UTRN: variants seen among roughly 807,000 people sequenced by gnomAD.
UTRN encodes utrophin.
In UTRN, 283 loss-of-function variants were observed where a neutral mutation model predicts 463.9. The ratio of observed to expected loss-of-function variants is 0.61; its 90% CI spans 0.55 to 0.67. The LOEUF (loss-of-function observed/expected upper bound fraction) is 0.67, where lower values mean the gene tolerates loss of function less well. Among genes scored for constraint, UTRN ranks in the 30% least tolerant of loss-of-function variants. UTRN has a pLI of 0.00. For missense variants in UTRN, 3,922 were observed against 4,084.3 expected, an observed-to-expected ratio of 0.96 and a Z score of 1.08; for synonymous variants, 1,442 against 1,431.5, an observed-to-expected ratio of 1.01 and a Z score of -0.17.
chr6:144,550,915 C>A lies in UTRN; in HGVS notation c.6811-50C>A, dbSNP rs1005974. On this transcript the variant is annotated intron_variant, in intron 47 of 74. Transcript: ENST00000367545. ...CAGCACAACTGTTTTGCTTATTATT[C>A]TTCTCATATGGCTTATTAACCTATC... 0.18 allele frequency: 265,046 copies of A among 1,448,044 alleles called. 26,077 individuals carry two copies. Among genetic ancestry groups the A allele is most frequent in the African/African-American group, 0.35 (23,980 of 68,864 alleles). The allele number at this position is 1,448,044 out of a possible 1,614,324, so 89.7% of individuals were successfully genotyped here. A position where few individuals can be genotyped will look rare whatever the true frequency, so the allele number is the denominator to read the frequency against.
chr6:144,581,073 A>G (rs1350466218), intron 51 of UTRN, among the ~76,000 whole-genome samples: 1 of 152,202 alleles, frequency 6.6e-6, no homozygotes, highest in Non-Finnish European at 1.5e-5. Context: ...ATGTGTGGGG[A>G]TGGCAAATTT....
intron 33 of UTRN, among the ~76,000 whole-genome samples, chr6:144,496,440 T>C (rs1334299813): frequency 6.6e-6 from 1 of 152,238 alleles, no homozygotes; most frequent in African/African-American, 2.4e-5. Context: ...TTTGGAATTA[T>C]ACAGCTGGTT....
chr6:144,829,087 A>G (rs774668548), intron 69 of UTRN, among the ~76,000 whole-genome samples: 51 of 152,294 alleles, frequency 3.3e-4, no homozygotes, highest in Non-Finnish European at 6.5e-4. Flanking sequence ...ACATTTGTCA[A>G]CTTATATACC....
At chr6:144,811,951 T>C (rs1308246753) in intron 65 of UTRN, among the ~76,000 whole-genome samples, 1 of 152,138 alleles carries the variant, frequency 6.6e-6, no homozygotes. Flanking sequence ...GCCAAGTGAC[T>C]TTTTTTATAT....
rs376135396 is a variant in UTRN, at chr6:144,473,731, A to G, written c.3078A>G (p.Thr1026=). The G allele has an allele frequency of 1.2e-6, 2 of 1,614,074 alleles. No individual in the cohort carries two copies. Among genetic ancestry groups the G allele is most frequent in the African/African-American group, 2.7e-5 (2 of 75,044 alleles). ...LTLRAFEADS[T]VIEKWMDGVK... Reference sequence around the variant, plus strand: ...TCATGTTCGATTAGGCCGATTCAACAGTCATTGAGAAGTGGATGGATGGCG... The same window carrying G: ...TCATGTTCGATTAGGCCGATTCAACGGTCATTGAGAAGTGGATGGATGGCG... Residue 1026 remains threonine (T), a synonymous_variant, in exon 24 of 75, where the codon ACA becomes ACG. Coordinates refer to ENST00000367545, the MANE Select transcript of UTRN (RefSeq NM_007124.3).
Position 144,285,659 on chromosome 6 carries a change from C to G in UTRN, c.-255C>G, listed in dbSNP as rs1262875096. ...CTTTTTTTAAAATTTCGGTTCGTGT[C>G]TGCTTCTCCAAGCTTTATTTTTTTT... is the stretch of plus-strand genomic sequence containing the variant. On this transcript the variant is annotated 5_prime_UTR_variant, in exon 1 of 75. Transcript: ENST00000367545. 1.3e-5 allele frequency: 2 copies of G among 152,152 alleles called. No homozygotes were observed. The highest frequency in any genetic ancestry group is 2.9e-5 in the Non-Finnish European group (2 of 68,058). The allele number at this position is 152,152 out of a possible 1,614,324, so 9.4% of individuals were successfully genotyped here. A position where few individuals can be genotyped will look rare whatever the true frequency, so the allele number is the denominator to read the frequency against.
chr6:144,353,447 C>T (rs977817865), intron 2 of UTRN, among the ~76,000 whole-genome samples: 1 of 139,842 alleles, frequency 7.2e-6, no homozygotes, highest in African/African-American at 2.6e-5. Flanking sequence ...TAAATAGAAA[C>T]AAGGTCTCAC....
At chr6:144,627,892 C>T (rs767208146) in intron 51 of UTRN, among the ~76,000 whole-genome samples, 3 of 150,480 alleles carry the variant, frequency 2.0e-5, no homozygotes, top group African/African-American at 2.5e-5. Context: ...GTCCGTCTCC[C>T]GGGTTCAAGC....
chr6:144,838,207 A>G (rs1387356458), intron 71 of UTRN, among the ~76,000 whole-genome samples: 5 of 151,820 alleles, frequency 3.3e-5, no homozygotes, highest in Non-Finnish European at 5.9e-5. Flanking sequence ...GCCTTCCCCT[A>G]CTCCCTCCAT....
chr6:144,822,695 A>G (rs969974320), intron 66 of UTRN, among the ~76,000 whole-genome samples: 2 of 152,118 alleles, frequency 1.3e-5, no homozygotes, highest in Non-Finnish European at 2.9e-5. Context: ...AGGTTGTGTG[A>G]TAATAGATTC....
intron 53 of UTRN, among the ~76,000 whole-genome samples, chr6:144,702,672 A>T (rs371405434): frequency 2.0e-5 from 3 of 152,174 alleles, no homozygotes; most frequent in East Asian, 3.9e-4. Flanking sequence ...TTGAACAGAG[A>T]CCTGGAGTGA....
intron 14 of UTRN, among the ~76,000 whole-genome samples, chr6:144,445,392 T>A (rs1205510938): frequency 6.7e-6 from 1 of 149,556 alleles, no homozygotes; most frequent in Admixed American, 6.7e-5. Flanking sequence ...TTCCCACATC[T>A]CTCAGTGTCC....
chr6:144,301,442 A>T (rs1805237226), intron 2 of UTRN, among the ~76,000 whole-genome samples: 1 of 151,866 alleles, frequency 6.6e-6, no homozygotes, highest in South Asian at 2.1e-4. Context: ...GGGCCTTGGC[A>T]TCAAGGCAGA....
chr6:144,686,161 T>G (rs184433331), intron 52 of UTRN, among the ~76,000 whole-genome samples: 209 of 152,288 alleles, frequency 1.4e-3, no homozygotes, highest in African/African-American at 4.8e-3. Context: ...CATGTCCTTT[T>G]TCCAATTTAT....
chr6:144,418,465 C>T (rs1005451128), intron 3 of UTRN, among the ~76,000 whole-genome samples: 6 of 151,690 alleles, frequency 4.0e-5, no homozygotes, highest in South Asian at 2.1e-4. Flanking sequence ...CCTCGTGGTC[C>T]GCCCGCCTCG....
intron 17 of UTRN, 125 bp from the exon 18 acceptor site, chr6:144,451,245 G>C: frequency 9.8e-7 from 1 of 1,016,384 alleles, no homozygotes; most frequent in Non-Finnish European, 1.4e-6. Context: ...CTATTTCTGG[G>C]TTGCTGTTTT....
chr6:144,632,723 C>CTT (rs34600667), intron 51 of UTRN, among the ~76,000 whole-genome samples: 47 of 142,260 alleles, frequency 3.3e-4, no homozygotes, highest in African/African-American at 1.1e-3. Flanking sequence ...TAAACTTTTA[C>CTT]TTTTTTTTTT....
At chr6:144,599,049 G>C (rs184135223) in intron 51 of UTRN, among the ~76,000 whole-genome samples, 1 of 152,054 alleles carries the variant, frequency 6.6e-6, no homozygotes, top group Admixed American at 6.6e-5. Flanking sequence ...AACCTCCCTC[G>C]TCTTTAAATT....
chr6:144,790,438 G>A (rs1776662411), intron 62 of UTRN, among the ~76,000 whole-genome samples: 1 of 152,266 alleles, frequency 6.6e-6, no homozygotes, highest in Non-Finnish European at 1.5e-5. Context: ...TTATTTTCTG[G>A]GATTTCTGTG....
Sources: allele counts gnomAD v4.1 joint callset (sites outside exome capture counted in the v4.1 genomes callset), GRCh38; gene constraint gnomAD v4.1.1; transcripts MANE v1.5; gene names NCBI Gene and HGNC (gene_info 2026-07-23, HGNC 2026-07-21).